PIP5K1B: variants seen among roughly 807,000 people sequenced by gnomAD.
PIP5K1B encodes the protein phosphatidylinositol 4-phosphate 5-kinase type-1 beta.
Under a neutral mutation model 67.0 loss-of-function variants are expected in PIP5K1B, and 42 were observed. The observed-to-expected ratio is 0.63, with a 90% CI of 0.49 to 0.81. The LOEUF (loss-of-function observed/expected upper bound fraction) is 0.81, where lower values mean the gene tolerates loss of function less well. Ranked by LOEUF, PIP5K1B falls within the 30% of genes least tolerant of loss-of-function variation. The pLI is 0.00. For missense variants in PIP5K1B, 459 were observed against 646.3 expected, an observed-to-expected ratio of 0.71 and a Z score of 3.14; for synonymous variants, 214 against 231.4, an observed-to-expected ratio of 0.92 and a Z score of 0.68.
At chr9:68,996,311 A>C (rs1830599527) in intron 15 of PIP5K1B, among the ~76,000 whole-genome samples, 1 of 152,216 alleles carries the variant, frequency 6.6e-6, no homozygotes, top group Non-Finnish European at 1.5e-5. Context: ...CCTTAGTGAG[A>C]CATTTAGTTC....
At chr9:68,716,244 TGCTCTGCACATC>T (rs1473436779) in intron 1 of PIP5K1B, among the ~76,000 whole-genome samples, 1 of 152,220 alleles carries the variant, frequency 6.6e-6, no homozygotes, top group African/African-American at 2.4e-5. Context: ...ACATCTGACT[TGCTCTGCACATC>T]TATGGAGAAC....
intron 4 of PIP5K1B, among the ~76,000 whole-genome samples, chr9:68,839,560 C>A (rs1821805347): frequency 6.6e-6 from 1 of 152,074 alleles, no homozygotes; most frequent in East Asian, 1.9e-4. Context: ...AAGATTAATC[C>A]TCTGTGGGAA....
At chr9:68,931,164 T>C (rs1826974690) in intron 12 of PIP5K1B, among the ~76,000 whole-genome samples, 1 of 152,234 alleles carries the variant, frequency 6.6e-6, no homozygotes, top group Non-Finnish European at 1.5e-5. Flanking sequence ...CAAAATCCTA[T>C]AATATTTCCT....
chr9:68,864,648 G>C (rs1342911594), intron 5 of PIP5K1B, among the ~76,000 whole-genome samples: 3 of 152,080 alleles, frequency 2.0e-5, no homozygotes, highest in Non-Finnish European at 4.4e-5. Context: ...TTTATGTTGA[G>C]TATATTTTAC....
intron 4 of PIP5K1B, among the ~76,000 whole-genome samples, chr9:68,853,364 T>C (rs992316379): frequency 6.6e-6 from 1 of 152,104 alleles, no homozygotes; most frequent in African/African-American, 2.4e-5. Flanking sequence ...CTGTGAGATA[T>C]GGAAGAGGAA....
chr9:68,975,779 T>G (rs1829608358), intron 14 of PIP5K1B, among the ~76,000 whole-genome samples: 1 of 152,228 alleles, frequency 6.6e-6, no homozygotes, highest in African/African-American at 2.4e-5. Context: ...GCTGGCCGTC[T>G]TTGACATTCC....
chr9:68,882,902 G>T (rs1351589598), intron 6 of PIP5K1B, among the ~76,000 whole-genome samples: 1 of 152,154 alleles, frequency 6.6e-6, no homozygotes, highest in Non-Finnish European at 1.5e-5. Flanking sequence ...GGATCACCCT[G>T]AAGTCATGGG....
chr9:68,815,663 C>T (rs925681297), intron 2 of PIP5K1B, among the ~76,000 whole-genome samples: 5 of 151,820 alleles, frequency 3.3e-5, no homozygotes, highest in African/African-American at 4.8e-5. Flanking sequence ...AACGTGAGTG[C>T]GTATAAAGAA....
intron 2 of PIP5K1B, among the ~76,000 whole-genome samples, chr9:68,778,248 C>T (rs975991312): frequency 1.3e-5 from 2 of 152,126 alleles, no homozygotes; most frequent in Non-Finnish European, 2.9e-5. Flanking sequence ...ATCGTTCCTT[C>T]GTAAAATGAG....
At chr9:68,712,260 T>C (rs1827429870) in intron 1 of PIP5K1B, among the ~76,000 whole-genome samples, 1 of 152,208 alleles carries the variant, frequency 6.6e-6, no homozygotes, top group Non-Finnish European at 1.5e-5. Flanking sequence ...CCGCCATGAC[T>C]GTAAGCTTCC....
intron 2 of PIP5K1B, among the ~76,000 whole-genome samples, chr9:68,778,320 G>A (rs552898619): frequency 1.3e-5 from 2 of 152,240 alleles, no homozygotes; most frequent in African/African-American, 4.8e-5. Flanking sequence ...GTGCCTAGCA[G>A]GGAGTAGGCA....
At chr9:68,889,282 T>C (rs1205381587) in intron 7 of PIP5K1B, 149 bp downstream of exon 7, 4 of 624,148 alleles carry the variant, frequency 6.4e-6, no homozygotes, top group Non-Finnish European at 1.1e-5. Context: ...ATGACATTCA[T>C]TGAATAGATT....
intron 6 of PIP5K1B, among the ~76,000 whole-genome samples, chr9:68,886,332 A>G (rs1451846475): frequency 6.6e-6 from 1 of 152,198 alleles, no homozygotes; most frequent in African/African-American, 2.4e-5. Flanking sequence ...ATTAATAAAC[A>G]CTGAGCTTAA....
At chr9:68,841,241 C>T (rs1821904930) in intron 4 of PIP5K1B, among the ~76,000 whole-genome samples, 1 of 152,188 alleles carries the variant, frequency 6.6e-6, no homozygotes, top group Admixed American at 6.5e-5. Context: ...GCAAATGTGG[C>T]TCAGGTTACT....
chr9:68,909,541 A>G (rs1464870330), intron 8 of PIP5K1B, among the ~76,000 whole-genome samples: 1 of 152,228 alleles, frequency 6.6e-6, no homozygotes, highest in African/African-American at 2.4e-5. Flanking sequence ...GGATTTAAAT[A>G]GAATCTACTT....
intron 2 of PIP5K1B, among the ~76,000 whole-genome samples, chr9:68,813,669 AGT>A (rs1833282782): frequency 5.9e-5 from 9 of 152,216 alleles, no homozygotes; most frequent in African/African-American, 1.9e-4. Flanking sequence ...GCTCTAACCT[AGT>A]ATAACTGGTG....
At chr9:69,003,910 GT>G (rs1264790780) in intron 15 of PIP5K1B, among the ~76,000 whole-genome samples, 1 of 152,116 alleles carries the variant, frequency 6.6e-6, no homozygotes, top group Non-Finnish European at 1.5e-5. Flanking sequence ...GGGCTTCTGG[GT>G]TAATTAGTGG....
At chr9:68,903,644 G>A (rs941526957) in intron 8 of PIP5K1B, among the ~76,000 whole-genome samples, 1 of 152,164 alleles carries the variant, frequency 6.6e-6, no homozygotes, top group Non-Finnish European at 1.5e-5. Context: ...TGAGCTGCTG[G>A]CAGCAACAGA....
Position 68,991,233 on chromosome 9 carries a change from T to A in PIP5K1B, c.1596T>A (p.Asn532Lys). ...EPNTLEVQDDNASVLDVYL is the reference protein window; with the variant it reads ...EPNTLEVQDDKASVLDVYL The stretch of plus-strand genomic sequence containing the variant: ...ACACTCTGGAAGTGCAGGATGACAA[T>A]GCTTCTGTGCTTGACGTCTATTTAG... Residue 532 changes from asparagine to lysine, a missense_variant, in exon 15 of 16, where the codon AAT becomes AAA. Asn to Lys is a moderately conservative substitution (Grantham distance 94, BLOSUM62 0). Transcript: ENST00000265382. 2 of 1,602,320 alleles carry A rather than the reference T, an allele frequency of 1.2e-6. No individual in the cohort carries two copies. The highest frequency in any genetic ancestry group is 1.7e-6 in the Non-Finnish European group (2 of 1,169,162).
Sources: gnomAD v4.1 joint callset for allele counts (sites outside exome capture counted in the v4.1 genomes callset) on GRCh38, gnomAD v4.1.1 for gene constraint, MANE v1.5 for transcripts, NCBI Gene and HGNC (gene_info 2026-07-23, HGNC 2026-07-21) for gene names.